The following CLASP2 variants were observed in gnomAD, a reference collection of about 807,000 sequenced individuals.
CLASP2 encodes the protein CLIP-associating protein 2.
A neutral mutation model predicts 194.4 loss-of-function variants in CLASP2; 47 were observed. That is an observed-to-expected ratio of 0.24 (90% confidence interval 0.19 to 0.31). The LOEUF is 0.31. Ranked by LOEUF, CLASP2 falls within the 10% of genes least tolerant of loss-of-function variation. The pLI, the probability that CLASP2 is intolerant of heterozygous loss-of-function variation, is 1.00. For synonymous variants in CLASP2, 619 were observed against 633.5 expected (o/e 0.98, Z 0.34); for missense variants, 1,445 against 1,823.6 (o/e 0.79, Z 3.78).
At chr3:33,513,915 C>G (rs1341036478) in intron 36 of CLASP2, among the ~76,000 whole-genome samples, 1 of 152,160 alleles carries the variant, frequency 6.6e-6, no homozygotes, top group Non-Finnish European at 1.5e-5. Flanking sequence ...AAATTTTTCT[C>G]CCATTCTATG....
chr3:33,594,579 CAA>C (rs2069716017), intron 20 of CLASP2, among the ~76,000 whole-genome samples: 2 of 151,446 alleles, frequency 1.3e-5, no homozygotes, highest in African/African-American at 4.9e-5. Flanking sequence ...CATGATCTCT[CAA>C]AGTATAAATG....
intron 11 of CLASP2, among the ~76,000 whole-genome samples, chr3:33,620,998 T>TGA (rs1491526723): frequency 1.4e-3 from 2 of 1,430 alleles, no homozygotes; most frequent in African/African-American, 6.2e-3. Flanking sequence ...TGTAGCTCTT[T>TGA]GTGTGTGTGT....
chr3:33,663,106 G>C (rs566015040), intron 7 of CLASP2, among the ~76,000 whole-genome samples: 2 of 149,196 alleles, frequency 1.3e-5, no homozygotes, highest in Non-Finnish European at 3.0e-5. Flanking sequence ...AATTATTCTA[G>C]GTATAAAAAC....
intron 6 of CLASP2, among the ~76,000 whole-genome samples, chr3:33,669,979 T>C (rs536078477): frequency 2.6e-5 from 4 of 152,294 alleles, no homozygotes; most frequent in African/African-American, 4.8e-5. Flanking sequence ...TATCCATCTA[T>C]AGTTTGGATT....
At position 33,510,593 on chromosome 3, in the gene CLASP2, G is replaced by A; in HGVS notation, c.4282C>T (p.Leu1428=). The A allele has an allele frequency of 3.7e-6, 6 of 1,613,872 alleles. No homozygotes were observed. The highest frequency in any genetic ancestry group is 5.1e-6 in the Non-Finnish European group (6 of 1,179,852). Reference sequence around the variant, plus strand: ...CCTGGCATAATCTCTGGCAAAAGCAGGTTTAGGGTTTCCTTGGACACTCTC... The same window carrying A: ...CCTGGCATAATCTCTGGCAAAAGCAAGTTTAGGGTTTCCTTGGACACTCTC... ...IERVSKETLN[L]LLPEIMPGLI... is the part of the protein sequence containing the mutation. Residue 1428 remains leucine, a synonymous_variant, in exon 37 of 39, where the codon CTG becomes TTG. Transcript: ENST00000682230.
At chr3:33,508,654 T>A (rs1288682199) in intron 37 of CLASP2, among the ~76,000 whole-genome samples, 2 of 152,186 alleles carry the variant, frequency 1.3e-5, no homozygotes, top group African/African-American at 2.4e-5. Context: ...AGTCAATAAT[T>A]TCTTCTGAAT....
chr3:33,535,386 T>C lies in CLASP2; in HGVS notation c.3634A>G (p.Asn1212Asp). 1 of 1,613,978 alleles carries C rather than the reference T, an allele frequency of 6.2e-7. No homozygotes were observed. Among genetic ancestry groups the C allele is most frequent in the Non-Finnish European group, 8.5e-7 (1 of 1,179,876 alleles). ...ATDSSQTALD[N>D]KASLLHSMPT... is the part of the protein sequence containing the mutation. ...ATTGAATGGAGCAATGAAGCTTTAT[T>C]ATCAAGAGCTGTTTGACTTGAGTCA... The change falls in exon 34 of 39, where the codon AAT becomes GAT. Residue 1212 changes from asparagine to aspartate, a missense_variant. By Grantham distance (23) the Asn-to-Asp change is conservative. Transcript: ENST00000682230.
In CLASP2 at chr3:33,517,164, T is replaced by G. The variant is rs1459527968; in HGVS notation, c.3798A>C (p.Leu1266=). The G allele has an allele frequency of 6.2e-7, 1 of 1,610,750 alleles. No individual in the cohort carries two copies. The stretch of plus-strand genomic sequence containing the variant: ...ACTCTGCAACTAGGTCAGAATGATC[T>G]AGGGAAAGATCTGTCAAAAGGACAT... The part of the protein sequence containing the change: ...DADQFPDDLS[L]DHSDLVAELL... Residue 1266 remains leucine, a synonymous_variant, in exon 35 of 39, where the codon CTA becomes CTC. Transcript: ENST00000682230.
At chr3:33,611,365 C>A (rs938193078) in intron 13 of CLASP2, among the ~76,000 whole-genome samples, 7 of 152,158 alleles carry the variant, frequency 4.6e-5, no homozygotes, top group Non-Finnish European at 7.3e-5. Context: ...CTTTACCTCC[C>A]TGAATACGCA....
chr3:33,683,502 G>A (rs953993693), intron 6 of CLASP2: 10 of 152,204 alleles, frequency 6.6e-5, no homozygotes, highest in African/African-American at 2.4e-4. Flanking sequence ...CAGCTACTTG[G>A]GAGGCTGAGG....
chr3:33,615,661 A>G (rs1291782801), intron 12 of CLASP2, among the ~76,000 whole-genome samples: 1 of 152,042 alleles, frequency 6.6e-6, no homozygotes, highest in Non-Finnish European at 1.5e-5. Context: ...AAAGAATTCT[A>G]CATTTGTAAA....
chr3:33,697,134 T>C (rs773120849), intron 1 of CLASP2, among the ~76,000 whole-genome samples: 2 of 152,126 alleles, frequency 1.3e-5, no homozygotes, highest in African/African-American at 4.8e-5. Context: ...AATAATAACG[T>C]GTAAACAGGA....
Position 33,717,994 on chromosome 3 carries a change from G to T in CLASP2, c.9C>A (p.Pro3=). 1.3e-6 allele frequency: 2 copies of T among 1,497,942 alleles called. No individual in the cohort carries two copies. 92.8% of individuals were successfully genotyped at this position (1,497,942 alleles called of 1,614,324 possible). A position where few individuals can be genotyped will look rare whatever the true frequency, so the allele number is the denominator to read the frequency against. The change falls in exon 1 of 39, where the codon CCC becomes CCA. Residue 3 remains proline, a synonymous_variant. Coordinates refer to ENST00000682230, the MANE Select transcript of CLASP2 (RefSeq NM_001365631.1). ...GGGCGCAGAAGTACTCCATGCTGCG[G>T]GGCTCCATGGCTGCGGCCGCCCGCC... ME[P]RSMEYFCAQV... is the part of the protein sequence containing the mutation.
At chr3:33,501,545 C>T (rs2046856180) in intron 38 of CLASP2, 107 bp downstream of exon 38, 1 of 665,814 alleles carries the variant, frequency 1.5e-6, no homozygotes, top group Admixed American at 2.5e-5. Flanking sequence ...ATGCTCAAAG[C>T]CTGACTTATT....
chr3:33,662,379 T>C (rs2085444067), intron 7 of CLASP2, among the ~76,000 whole-genome samples: 1 of 152,166 alleles, frequency 6.6e-6, no homozygotes, highest in African/African-American at 2.4e-5. Flanking sequence ...TCTACAGAAA[T>C]TGACAGAGGT....
intron 7 of CLASP2, among the ~76,000 whole-genome samples, chr3:33,649,730 T>C (rs2082871286): frequency 6.6e-6 from 1 of 152,142 alleles, no homozygotes; most frequent in Non-Finnish European, 1.5e-5. Context: ...AACTATACCC[T>C]CGAGGTTAAA....
intron 6 of CLASP2, among the ~76,000 whole-genome samples, chr3:33,676,208 C>A (rs1259301055): frequency 6.6e-5 from 10 of 150,836 alleles, no homozygotes; most frequent in Non-Finnish European, 1.3e-4. Flanking sequence ...GTAACCAAAA[C>A]AGCATGGTAC....
chr3:33,542,695 A>T (rs1476676912), intron 32 of CLASP2, among the ~76,000 whole-genome samples: 1 of 151,048 alleles, frequency 6.6e-6, no homozygotes, highest in Non-Finnish European at 1.5e-5. Context: ...TCATATATTC[A>T]TTATATATTT....
At chr3:33,685,487 A>G (rs578037647) in intron 5 of CLASP2, among the ~76,000 whole-genome samples, 42 of 152,248 alleles carry the variant, frequency 2.8e-4, no homozygotes, top group Admixed American at 6.5e-4. Flanking sequence ...GCCTGAACTC[A>G]AACAGATACT....
Sources: gnomAD v4.1 joint callset for allele counts (sites outside exome capture counted in the v4.1 genomes callset) on GRCh38, gnomAD v4.1.1 for gene constraint, MANE v1.5 for transcripts, NCBI Gene and HGNC (gene_info 2026-07-23, HGNC 2026-07-21) for gene names.